MAGI2: variants seen among roughly 807,000 people sequenced by gnomAD.
MAGI2 encodes the protein membrane associated guanylate kinase, WW and PDZ domain containing 2, also known as membrane-associated guanylate kinase, WW and PDZ domain-containing protein 2.
In MAGI2, 35 loss-of-function variants were observed where a neutral mutation model predicts 133.3. The ratio of observed to expected loss-of-function variants is 0.26; its 90% CI spans 0.20 to 0.35. MAGI2 has a LOEUF of 0.35. MAGI2 is among the 10% of genes least tolerant of loss of function. The probability of loss-of-function intolerance (pLI) is 1.00; values close to 1 mark genes in which losing one functional copy is unlikely to be tolerated. For synonymous variants in MAGI2, 729 were observed against 710.6 expected, an observed-to-expected ratio of 1.03 and a Z score of -0.41; for missense variants, 1,636 against 1,863.4, an observed-to-expected ratio of 0.88 and a Z score of 2.25.
intron 9 of MAGI2, among the ~76,000 whole-genome samples, chr7:78,300,099 C>G (rs1212693854): frequency 2.0e-5 from 3 of 152,086 alleles, no homozygotes; most frequent in Non-Finnish European, 4.4e-5. Flanking sequence ...GAACCTGTGA[C>G]TTTGTTATCC....
At chr7:78,670,353 C>T (rs1262898587) in intron 2 of MAGI2, among the ~76,000 whole-genome samples, 1 of 152,102 alleles carries the variant, frequency 6.6e-6, no homozygotes, top group African/African-American at 2.4e-5. Context: ...ACCTAGGAAT[C>T]CAACTTACAA....
chr7:78,172,885 T>A (rs1435031657), intron 14 of MAGI2, among the ~76,000 whole-genome samples: 1 of 152,190 alleles, frequency 6.6e-6, no homozygotes, highest in African/African-American at 2.4e-5. Flanking sequence ...AGTTTCACTC[T>A]CCCAGACGGG....
At chr7:78,500,171 A>G (rs1794493513) in intron 5 of MAGI2, among the ~76,000 whole-genome samples, 2 of 152,250 alleles carry the variant, frequency 1.3e-5, no homozygotes, top group Non-Finnish European at 2.9e-5. Context: ...TGGTCGCATG[A>G]TTCAGAGTTT....
chr7:79,025,563 G>T (rs1809803925), intron 1 of MAGI2, among the ~76,000 whole-genome samples: 1 of 152,144 alleles, frequency 6.6e-6, no homozygotes, highest in African/African-American at 2.4e-5. Flanking sequence ...GTACATATTT[G>T]TTAGTGAAGC....
intron 1 of MAGI2, among the ~76,000 whole-genome samples, chr7:79,235,199 C>A (rs976125304): frequency 5.9e-5 from 9 of 152,164 alleles, no homozygotes; most frequent in Non-Finnish European, 7.3e-5. Flanking sequence ...CTCTTCAAAG[C>A]TGTCAGACAG....
intron 6 of MAGI2, among the ~76,000 whole-genome samples, chr7:78,423,003 T>G (rs1798938164): frequency 6.6e-6 from 1 of 152,222 alleles, no homozygotes; most frequent in Non-Finnish European, 1.5e-5. Flanking sequence ...TTCCACCTAT[T>G]GTTATTATTT....
intron 2 of MAGI2, among the ~76,000 whole-genome samples, chr7:78,749,200 G>A (rs903401394): frequency 1.3e-5 from 2 of 152,178 alleles, no homozygotes; most frequent in Non-Finnish European, 2.9e-5. Flanking sequence ...AGCTGAGATA[G>A]CACTGAAGCT....
intron 18 of MAGI2, among the ~76,000 whole-genome samples, chr7:78,130,598 T>C (rs144603083): frequency 1.3e-5 from 2 of 152,314 alleles, no homozygotes; most frequent in African/African-American, 2.4e-5. Context: ...TTCATTCATA[T>C]GCAAATGTGC....
intron 3 of MAGI2, among the ~76,000 whole-genome samples, chr7:78,565,511 A>T (rs1374640592): frequency 2.7e-4 from 41 of 152,060 alleles, no homozygotes; most frequent in Admixed American, 2.7e-3. Context: ...TATATGTAAG[A>T]TGTTCAAAAA....
chr7:78,220,516 T>A (rs1204533169), intron 10 of MAGI2, among the ~76,000 whole-genome samples: 1 of 152,252 alleles, frequency 6.6e-6, no homozygotes, highest in Non-Finnish European at 1.5e-5. Context: ...AAAGAATGCT[T>A]GCTAAGTAAA....
chr7:79,321,336 T>A (rs1024839650), intron 1 of MAGI2, among the ~76,000 whole-genome samples: 2 of 152,150 alleles, frequency 1.3e-5, no homozygotes, highest in East Asian at 1.9e-4. Flanking sequence ...ATTTATTAAC[T>A]TTTTTTAGTG....
At chr7:79,385,236 G>T (rs939178724) in intron 1 of MAGI2, among the ~76,000 whole-genome samples, 1 of 151,692 alleles carries the variant, frequency 6.6e-6, no homozygotes, top group Non-Finnish European at 1.5e-5. Flanking sequence ...GTGCAAGCTC[G>T]CATAAATGTA....
intron 1 of MAGI2, among the ~76,000 whole-genome samples, chr7:79,391,985 G>A (rs569536011): frequency 8.6e-5 from 13 of 152,018 alleles, no homozygotes; most frequent in South Asian, 2.1e-4. Context: ...TTAGATATTC[G>A]TCCTAATGCT....
chr7:78,375,402 A>G (rs1055786450), intron 6 of MAGI2, among the ~76,000 whole-genome samples: 1 of 152,056 alleles, frequency 6.6e-6, no homozygotes, highest in Non-Finnish European at 1.5e-5. Flanking sequence ...ATGTAAATTC[A>G]TGTAAGGTTG....
intron 1 of MAGI2, among the ~76,000 whole-genome samples, chr7:79,161,527 C>CA (rs535220579): frequency 7.3e-5 from 11 of 150,730 alleles, no homozygotes; most frequent in East Asian, 2.0e-4. Flanking sequence ...AGTTCTGTGA[C>CA]AAAAAAAAAT....
At chr7:78,551,494 T>A (rs1363409798) in intron 3 of MAGI2, among the ~76,000 whole-genome samples, 1 of 152,200 alleles carries the variant, frequency 6.6e-6, no homozygotes, top group Non-Finnish European at 1.5e-5. Flanking sequence ...AAAATGTTCC[T>A]CTTTACACTT....
intron 1 of MAGI2, among the ~76,000 whole-genome samples, chr7:79,283,735 A>G (rs1835809908): frequency 6.6e-6 from 1 of 152,074 alleles, no homozygotes; most frequent in Admixed American, 6.6e-5. Context: ...TGCACTTCTT[A>G]TTATCTATTA....
At chr7:78,679,848 G>A (rs1442338292) in intron 2 of MAGI2, among the ~76,000 whole-genome samples, 3 of 152,126 alleles carry the variant, frequency 2.0e-5, no homozygotes, top group African/African-American at 4.8e-5. Flanking sequence ...GGGCCTAGAT[G>A]TGTCAGTTCT....
At chr7:78,236,729 A>G (rs1227292375) in intron 10 of MAGI2, among the ~76,000 whole-genome samples, 2 of 152,206 alleles carry the variant, frequency 1.3e-5, no homozygotes, top group East Asian at 1.9e-4. Flanking sequence ...ACAGGTTAAT[A>G]CAAAATTGAT....
Sources: gnomAD v4.1 joint callset for allele counts (sites outside exome capture counted in the v4.1 genomes callset) on GRCh38, gnomAD v4.1.1 for gene constraint, MANE v1.5 for transcripts, NCBI Gene and HGNC (gene_info 2026-07-23, HGNC 2026-07-21) for gene names.